NCR3LG1: variants seen among roughly 807,000 people sequenced by gnomAD.
NCR3LG1 encodes the protein natural killer cell cytotoxicity receptor 3 ligand 1, also known as natural cytotoxicity triggering receptor 3 ligand 1.
NCR3LG1 carries 35 observed loss-of-function variants against 34.8 expected under a neutral mutation model. The ratio of observed to expected loss-of-function variants is 1.01; its 90% CI spans 0.77 to 1.33. The LOEUF is 1.33. NCR3LG1 is among the 40% of genes most tolerant of loss of function. The pLI, the probability that NCR3LG1 is intolerant of heterozygous loss-of-function variation, is 0.00. For missense variants in NCR3LG1, 452 were observed against 423.3 expected, an observed-to-expected ratio of 1.07 and a Z score of -0.60; for synonymous variants, 173 against 163.6, an observed-to-expected ratio of 1.06 and a Z score of -0.44.
Position 17,376,419 on chromosome 11 carries a change from C to T in NCR3LG1, c.*3907C>T, listed in dbSNP as rs959069047. ...GGACTTTTTATTGGGTTTGGTAATA[C>T]GTCACACCCTTTAGCCTCTACTGTG... is the stretch of plus-strand genomic sequence containing the variant. On this transcript the variant is annotated 3_prime_UTR_variant, in exon 5 of 5. Coordinates refer to ENST00000338965, the MANE Select transcript of NCR3LG1 (RefSeq NM_001202439.3). The T allele has an allele frequency of 2.0e-5, 3 of 152,158 alleles. No individual in the cohort carries two copies. The highest frequency in any genetic ancestry group is 4.4e-5 in the Non-Finnish European group (3 of 68,024). The allele number at this position is 152,158 out of a possible 1,614,324, so 9.4% of individuals were successfully genotyped here.
intron 1 of NCR3LG1, among the ~76,000 whole-genome samples, chr11:17,352,391 A>ACT (rs1953147663): frequency 6.6e-6 from 1 of 152,044 alleles, no homozygotes; most frequent in Non-Finnish European, 1.5e-5. Context: ...AGTGTTAGCC[A>ACT]AGATGGTCTC....
In NCR3LG1 at chr11:17,351,882, C is replaced by T. The variant is rs1371800832; in HGVS notation, c.-88C>T. 2.9e-6 allele frequency: 3 copies of T among 1,034,922 alleles called. No homozygotes were observed. The highest frequency in any genetic ancestry group is 4.3e-6 in the Non-Finnish European group (3 of 698,998). The allele number at this position is 1,034,922 out of a possible 1,614,324, so 64.1% of individuals were successfully genotyped here. A position where few individuals can be genotyped will look rare whatever the true frequency, so the allele number is the denominator to read the frequency against. On this transcript the variant is annotated 5_prime_UTR_variant, in exon 1 of 5. In the 5' UTR this introduces an upstream ATG that the reference lacks. Transcript: ENST00000338965. The stretch of plus-strand genomic sequence containing the variant: ...CGGCTGTGTCTCCGTCAACTCTTTA[C>T]GCAACAGAGGTCTCCCCCTGCCCTT...
intron 1 of NCR3LG1, among the ~76,000 whole-genome samples, chr11:17,353,339 G>A (rs965922907): frequency 2.0e-5 from 3 of 152,250 alleles, no homozygotes; most frequent in Non-Finnish European, 4.4e-5. Flanking sequence ...AAATAAGACA[G>A]TTCCGAGTGA....
intron 2 of NCR3LG1, among the ~76,000 whole-genome samples, chr11:17,364,312 A>T (rs1953320464): frequency 6.6e-6 from 1 of 152,086 alleles, no homozygotes; most frequent in Admixed American, 6.6e-5. Flanking sequence ...CTTGTGCCTC[A>T]GTCTCCTGAG....
Position 17,372,680 on chromosome 11 carries a change from C to A in NCR3LG1, c.*168C>A. The A allele has an allele frequency of 1.8e-6, 1 of 561,000 alleles. No individual in the cohort carries two copies. Among genetic ancestry groups the A allele is most frequent in the Non-Finnish European group, 3.2e-6 (1 of 317,430 alleles). 34.8% of individuals were successfully genotyped at this position (561,000 alleles called of 1,614,324 possible). On this transcript the variant is annotated 3_prime_UTR_variant, in exon 5 of 5. Transcript: ENST00000338965. Reference sequence around the variant, plus strand: ...CCTTACTTGGGGTGATGTTATGTTGCTCTTAAACTCTTAACTACTACAGAG... The same window carrying A: ...CCTTACTTGGGGTGATGTTATGTTGATCTTAAACTCTTAACTACTACAGAG...
chr11:17,372,616 A>G lies in NCR3LG1; in HGVS notation c.*104A>G, dbSNP rs1457351102. 2 of 604,930 alleles carry G rather than the reference A, an allele frequency of 3.3e-6. No individual in the cohort carries two copies. The highest frequency in any genetic ancestry group is 5.9e-5 in the Admixed American group (2 of 33,980). 37.5% of individuals were successfully genotyped at this position (604,930 alleles called of 1,614,324 possible). A position where few individuals can be genotyped will look rare whatever the true frequency, so the allele number is the denominator to read the frequency against. On this transcript the variant is annotated 3_prime_UTR_variant, in exon 5 of 5. Coordinates refer to ENST00000338965, the MANE Select transcript of NCR3LG1 (RefSeq NM_001202439.3). ...GGCAAGTTCTCTGATGACCTGATAG[A>G]TATATAGAGGCTTTCCAAAACCTAA... is the stretch of plus-strand genomic sequence containing the variant.
Position 17,356,974 on chromosome 11 carries a change from C to T in NCR3LG1, c.394C>T (p.Gln132Ter). Residue 132 changes from glutamine to a stop codon, truncating the protein, a stop_gained, in exon 2 of 5, where the codon CAG (glutamine) becomes TAG (stop). Transcript: ENST00000338965. LOFTEE classifies it high-confidence loss of function. ...CEVVVTPLKA[Q>*]GTVQLEVVAS... ...GGTGGTGGTCACCCCTCTGAAGGCA[C>T]AGGGAACAGTCCAGCTTGAAGTTGT... The T allele has an allele frequency of 6.5e-7, 1 of 1,532,388 alleles. No individual in the cohort carries two copies. The highest frequency in any genetic ancestry group is 1.4e-5 in the African/African-American group (1 of 73,082). 94.9% of individuals were successfully genotyped at this position (1,532,388 alleles called of 1,614,324 possible). A position where few individuals can be genotyped will look rare whatever the true frequency, so the allele number is the denominator to read the frequency against.
At chr11:17,363,124 T>C (rs918984737) in intron 2 of NCR3LG1, among the ~76,000 whole-genome samples, 1 of 150,188 alleles carries the variant, frequency 6.7e-6, no homozygotes, top group Non-Finnish European at 1.5e-5. Context: ...ATGGAGTCTA[T>C]GTTGCCCAGA....
At chr11:17,366,966 AG>A in intron 2 of NCR3LG1, 42 bp from the exon 3 acceptor site, 2 of 1,428,740 alleles carry the variant, frequency 1.4e-6, no homozygotes, top group South Asian at 2.7e-5. Context: ...TGGGGATAAA[AG>A]GGTGCTGGGC....
chr11:17,372,507 C>T lies in NCR3LG1; in HGVS notation c.1360C>T (p.Gln454Ter), dbSNP rs1454881904. Reference protein sequence around the residue: ...SQPPTLLLPLQ With the variant: ...SQPPTLLLPL ...ACCCCCAACTTTACTGTTACCCCTA[C>T]AGTAAATGCCTGATGGACCTGGTGC... Residue 454 changes from glutamine to a stop codon, truncating the protein, a stop_gained, in exon 5 of 5, where the codon CAG (glutamine) becomes TAG (stop). Transcript: ENST00000338965. LOFTEE classifies it high-confidence loss of function. 2.9e-6 allele frequency: 2 copies of T among 693,290 alleles called. No individual in the cohort carries two copies. The highest frequency in any genetic ancestry group is 1.8e-5 in the African/African-American group (1 of 56,896). 42.9% of individuals were successfully genotyped at this position (693,290 alleles called of 1,614,324 possible). A position where few individuals can be genotyped will look rare whatever the true frequency, so the allele number is the denominator to read the frequency against.
rs1245752619 is a variant in NCR3LG1 at position 17,356,781 on chromosome 11, G to A, written c.201G>A (p.Trp67Ter). ...CGTCTATGGGTATCACCTGGTTTTG[G>A]AAGAGTCTGACGTTTGACAAAGAAG... Reference protein sequence around the residue: ...NITSMGITWFWKSLTFDKEVK... With the variant: ...NITSMGITWF Residue 67 changes from tryptophan to a stop codon, truncating the protein, a stop_gained, in exon 2 of 5, where the codon TGG (tryptophan) becomes TGA (stop). Transcript: ENST00000338965. LOFTEE classifies it high-confidence loss of function. 2 of 1,536,272 alleles carry A rather than the reference G, an allele frequency of 1.3e-6. No homozygotes were observed. Among genetic ancestry groups the A allele is most frequent in the Non-Finnish European group, 1.7e-6 (2 of 1,146,924 alleles).
At position 17,376,384 on chromosome 11, in the gene NCR3LG1, G is replaced by A. The variant is rs536953974; in HGVS notation, c.*3872G>A. 10 of 152,270 alleles carry A rather than the reference G, an allele frequency of 6.6e-5. No individual in the cohort carries two copies. In the South Asian group the frequency reaches 1.5e-3, roughly 22 times the overall value. The allele number at this position is 152,270 out of a possible 1,614,324, so 9.4% of individuals were successfully genotyped here. ...AAAGAAGCCTCTACCCAGTAGGGCC[G>A]AGTCTGCTAGGACTTTTTATTGGGT... On this transcript the variant is annotated 3_prime_UTR_variant, in exon 5 of 5. Coordinates refer to ENST00000338965, the MANE Select transcript of NCR3LG1 (RefSeq NM_001202439.3).
In NCR3LG1 at chr11:17,356,633, G is replaced by T. The variant is rs1953208632; in HGVS notation, c.71-18G>T. ...CATACATTGGTAAACTGAACATTGT[G>T]TCCTCTTATTGCCACAGGTGATCTG... On this transcript the variant is annotated intron_variant, in intron 1 of 4. Coordinates refer to ENST00000338965, the MANE Select transcript of NCR3LG1 (RefSeq NM_001202439.3). 6.7e-7 allele frequency: 1 copy of T among 1,487,730 alleles called. No homozygotes were observed. Among genetic ancestry groups the T allele is most frequent in the African/African-American group, 1.4e-5 (1 of 72,022 alleles). 92.2% of individuals were successfully genotyped at this position (1,487,730 alleles called of 1,614,324 possible). A position where few individuals can be genotyped will look rare whatever the true frequency, so the allele number is the denominator to read the frequency against.
At position 17,367,123 on chromosome 11, in the gene NCR3LG1, A is replaced by G; in HGVS notation, c.536A>G (p.Lys179Arg). The G allele has an allele frequency of 1.3e-6, 2 of 1,536,446 alleles. No individual in the cohort carries two copies. Among genetic ancestry groups the G allele is most frequent in the Non-Finnish European group, 8.7e-7 (1 of 1,146,966 alleles). Reference protein sequence around the residue: ...YPEAINITWEKQTQKFPHPIE... With the variant: ...YPEAINITWERQTQKFPHPIE... ...GAGGCTATTAATATAACATGGGAGAAGCAGACCCAGAAGTTTCCCCATCCC... is the reference window on the plus strand; with the variant it reads ...GAGGCTATTAATATAACATGGGAGAGGCAGACCCAGAAGTTTCCCCATCCC... The change falls in exon 3 of 5, where the codon AAG (lysine) becomes AGG (arginine). Residue 179 changes from lysine (K) to arginine (R), a missense_variant. Transcript: ENST00000338965.
At chr11:17,362,708 CTTTCTTTCTTTCTT>C (rs1953287462) in intron 2 of NCR3LG1, among the ~76,000 whole-genome samples, 3 of 17,540 alleles carry the variant, frequency 1.7e-4, no homozygotes, top group Non-Finnish European at 3.1e-4. Context: ...TTCTTTCTTT[CTTTCTTTCTTTCTT>C]TCTTTCTTTC....
At chr11:17,360,975 A>G (rs1953264031) in intron 2 of NCR3LG1, among the ~76,000 whole-genome samples, 1 of 151,684 alleles carries the variant, frequency 6.6e-6, no homozygotes, top group Admixed American at 6.6e-5. Flanking sequence ...AGCTCGAGTG[A>G]TCTCCCCCGT....
chr11:17,369,596 C>T (rs1029675432), intron 4 of NCR3LG1, among the ~76,000 whole-genome samples: 1 of 152,182 alleles, frequency 6.6e-6, no homozygotes, highest in Non-Finnish European at 1.5e-5. Context: ...ATGGGCCTGT[C>T]AAGGCAAAAT....
chr11:17,358,143 G>A (rs1270654503), intron 2 of NCR3LG1, among the ~76,000 whole-genome samples: 1 of 152,058 alleles, frequency 6.6e-6, no homozygotes, highest in African/African-American at 2.4e-5. Context: ...TCTTGTATTC[G>A]TATGGTACCT....
intron 2 of NCR3LG1, among the ~76,000 whole-genome samples, chr11:17,363,583 CTTT>C (rs1953311625): frequency 8.8e-6 from 1 of 113,690 alleles, no homozygotes; most frequent in African/African-American, 3.5e-5. Context: ...TCTCTCTTTT[CTTT>C]TCTTTTCTTT....
Sources: gnomAD v4.1 joint callset for allele counts (sites outside exome capture counted in the v4.1 genomes callset) on GRCh38, gnomAD v4.1.1 for gene constraint, MANE v1.5 for transcripts, NCBI Gene and HGNC (gene_info 2026-07-23, HGNC 2026-07-21) for gene names.